The following RABGAP1 variants were observed in gnomAD, a reference collection of about 807,000 sequenced individuals.
The protein encoded by RABGAP1 is rab GTPase-activating protein 1.
RABGAP1 carries 23 observed loss-of-function variants against 137.6 expected under a neutral mutation model. The ratio of observed to expected loss-of-function variants is 0.17; its 90% CI spans 0.12 to 0.24. The LOEUF is 0.24. RABGAP1 is among the 10% of genes least tolerant of loss of function. RABGAP1 has a pLI of 1.00. For synonymous variants in RABGAP1, 451 were observed against 450.7 expected, an observed-to-expected ratio of 1.00 and a Z score of -0.01; for missense variants, 906 against 1,275.8, an observed-to-expected ratio of 0.71 and a Z score of 4.42.
chr9:123,059,445 C>T lies in RABGAP1; in HGVS notation c.1795-5903C>T, dbSNP rs557244196. Reference sequence around the variant, plus strand: ...TGGCGGGCACCTGTAGTCCCAGCTACTCAGGAGGCTGAGGCAGGAGAATGG... The same window carrying T: ...TGGCGGGCACCTGTAGTCCCAGCTATTCAGGAGGCTGAGGCAGGAGAATGG... On this transcript the variant is annotated intron_variant, in intron 13 of 25. Coordinates refer to ENST00000373647, the MANE Select transcript of RABGAP1 (RefSeq NM_012197.4). Among the ~76,000 whole-genome samples, 37 of 152,262 alleles carry T rather than the reference C, an allele frequency of 2.4e-4. 1 individual carries two copies. The South Asian group carries it at 7.5e-3, about 31-fold the overall frequency.
Position 122,954,487 on chromosome 9 carries a change from G to C in RABGAP1, c.-49-2524G>C, listed in dbSNP as rs186759971. ...TCAAAGAAAGTAGGTGGAACTTTGAGCTTGCCAAATCTTCTCAGTTCCTTA... is the reference window on the plus strand; with the variant it reads ...TCAAAGAAAGTAGGTGGAACTTTGACCTTGCCAAATCTTCTCAGTTCCTTA... On this transcript the variant is annotated intron_variant, in intron 1 of 25. Transcript: ENST00000373647. Among the ~76,000 whole-genome samples, 4 of 152,310 alleles carry C rather than the reference G, an allele frequency of 2.6e-5. No homozygotes were observed. In the East Asian group the frequency reaches 7.7e-4, roughly 29 times the overall value.
chr9:122,941,180 AG>A (rs1833534286), intron 1 of RABGAP1, 87 bp downstream of exon 1: 1 of 152,276 alleles, frequency 6.6e-6, no homozygotes, highest in African/African-American at 2.4e-5. Flanking sequence ...CGGGGAGCCA[AG>A]CTGTCTTCTC....
chr9:122,956,728 G>A (rs1188602438), intron 1 of RABGAP1, among the ~76,000 whole-genome samples: 1 of 151,688 alleles, frequency 6.6e-6, no homozygotes, highest in Non-Finnish European at 1.5e-5. Context: ...GACTTGAATT[G>A]CAACTTAGCC....
intron 21 of RABGAP1, among the ~76,000 whole-genome samples, chr9:123,091,637 A>C (rs549962826): frequency 1.2e-3 from 177 of 152,314 alleles, no homozygotes; most frequent in Middle Eastern, 6.8e-3. Flanking sequence ...CATCATTAAA[A>C]AAAAATCAGG....
intron 10 of RABGAP1, among the ~76,000 whole-genome samples, chr9:123,005,231 C>T (rs575706605): frequency 9.7e-4 from 147 of 150,862 alleles, no homozygotes; most frequent in African/African-American, 3.4e-3. Context: ...GTTCTGTTAC[C>T]GTTTGACATA....
chr9:123,021,236 GA>G (rs2131931435), intron 13 of RABGAP1, among the ~76,000 whole-genome samples: 2 of 93,346 alleles, frequency 2.1e-5, no homozygotes, highest in Middle Eastern at 6.7e-3. Context: ...TCTTAAAAAA[GA>G]AAAAAAGTTA....
chr9:123,100,382 GATGT>G (rs1313470910), intron 24 of RABGAP1, among the ~76,000 whole-genome samples: 42 of 130,360 alleles, frequency 3.2e-4, no homozygotes, highest in Admixed American at 1.2e-3. Context: ...TGTTTAACCA[GATGT>G]GTGTGTGTGT....
intron 1 of RABGAP1, among the ~76,000 whole-genome samples, chr9:122,942,330 A>G (rs1833628229): frequency 6.6e-6 from 1 of 152,164 alleles, no homozygotes; most frequent in Non-Finnish European, 1.5e-5. Flanking sequence ...TCAAGTTTGT[A>G]TAAGGTGCTA....
the RABGAP1 span, among the ~76,000 whole-genome samples, chr9:122,935,082 T>C: frequency 1.3e-5 from 2 of 152,212 alleles, no homozygotes; most frequent in Non-Finnish European, 2.9e-5. Flanking sequence ...CATTACTGCT[T>C]TTTTGTGTTA....
At chr9:122,958,939 G>A (rs774790753) in intron 2 of RABGAP1, among the ~76,000 whole-genome samples, 25 of 152,106 alleles carry the variant, frequency 1.6e-4, no homozygotes, top group Non-Finnish European at 3.2e-4. Flanking sequence ...AGGCCAGGAG[G>A]TGGAGGCTGC....
chr9:122,999,815 A>C (rs1837230302), intron 10 of RABGAP1, among the ~76,000 whole-genome samples: 2 of 149,902 alleles, frequency 1.3e-5, no homozygotes, highest in African/African-American at 4.9e-5. Context: ...GATTGTAATT[A>C]TGTATATTTT....
chr9:122,969,609 G>A (rs957560413), intron 2 of RABGAP1, among the ~76,000 whole-genome samples: 1 of 151,334 alleles, frequency 6.6e-6, no homozygotes, highest in African/African-American at 2.4e-5. Flanking sequence ...ACCTTGTATC[G>A]TTTCTCAGCC....
At chr9:122,962,015 G>A (rs956596503) in intron 2 of RABGAP1, among the ~76,000 whole-genome samples, 3 of 151,962 alleles carry the variant, frequency 2.0e-5, no homozygotes, top group African/African-American at 7.3e-5. Context: ...TTCTTTAAAG[G>A]TATATATAAA....
At chr9:122,990,783 AAAAAAAAAAAAAAATATATAT>A (rs1420667768) in intron 6 of RABGAP1, 1 of 80,546 alleles carries the variant, frequency 1.2e-5, no homozygotes, top group Non-Finnish European at 2.2e-5. Flanking sequence ...AAAAAAAAAA[AAAAAAAAAAAAAAATATATAT>A]ATATATATAT....
At chr9:123,030,466 A>G (rs1301578241) in intron 13 of RABGAP1, among the ~76,000 whole-genome samples, 1 of 152,132 alleles carries the variant, frequency 6.6e-6, no homozygotes, top group African/African-American at 2.4e-5. Flanking sequence ...TTTTAGTCAT[A>G]TATATATAGA....
At chr9:122,958,536 C>G (rs746857767) in intron 2 of RABGAP1, among the ~76,000 whole-genome samples, 22 of 151,914 alleles carry the variant, frequency 1.4e-4, no homozygotes, top group Non-Finnish European at 2.5e-4. Flanking sequence ...ACACAGGGGC[C>G]TGTCGTGGGG....
At chr9:122,945,146 G>GGTTTTTTTTTTTTTTTTTTT (rs1564348056) in intron 1 of RABGAP1, among the ~76,000 whole-genome samples, 1 of 9,182 alleles carries the variant, frequency 1.1e-4, no homozygotes, top group Non-Finnish European at 6.4e-4. Flanking sequence ...CATAGCTGTT[G>GGTTTTTTTTTTTTTTTTTTT]CTTTTTTTTT....
At chr9:123,101,509 C>A in intron 24 of RABGAP1, 57 bp from the exon 25 acceptor site, 1 of 1,507,514 alleles carries the variant, frequency 6.6e-7, no homozygotes, top group Non-Finnish European at 9.0e-7. Context: ...ATGCTCACAC[C>A]ATCCTAAAGG....
Position 123,074,364 on chromosome 9 carries a change from C to T in RABGAP1, c.2189C>T (p.Thr730Ile). ...AHMYASQWFLTLFTAKFPLYM... is the reference protein window; with the variant it reads ...AHMYASQWFLILFTAKFPLYM... ...ATGTATGCCTCCCAGTGGTTTCTTA[C>T]TCTTTTCACTGCAAAATTCCCTCTC... The change falls in exon 17 of 26, where the codon ACT becomes ATT. Residue 730 changes from threonine (T) to isoleucine (I), a missense_variant. Thr to Ile is a moderately conservative substitution (Grantham distance 89). Coordinates refer to ENST00000373647, the MANE Select transcript of RABGAP1 (RefSeq NM_012197.4). 6.2e-7 allele frequency: 1 copy of T among 1,613,394 alleles called. No homozygotes were observed. The highest frequency in any genetic ancestry group is 8.5e-7 in the Non-Finnish European group (1 of 1,179,420).
Sources: gnomAD v4.1 joint callset for allele counts (sites outside exome capture counted in the v4.1 genomes callset) on GRCh38, gnomAD v4.1.1 for gene constraint, MANE v1.5 for transcripts, NCBI Gene and HGNC (gene_info 2026-07-23, HGNC 2026-07-21) for gene names.